NUMA1: variants seen among roughly 807,000 people sequenced by gnomAD.
NUMA1 encodes the protein nuclear mitotic apparatus protein 1, also known as SP-H antigen.
A neutral mutation model predicts 237.1 loss-of-function variants in NUMA1; 62 were observed. The observed-to-expected ratio is 0.26, with a 90% CI of 0.21 to 0.32. The LOEUF is 0.32. Ranked by LOEUF, NUMA1 falls within the 10% of genes least tolerant of loss-of-function variation. The pLI, the probability that NUMA1 is intolerant of heterozygous loss-of-function variation, is 1.00. For synonymous variants in NUMA1, 1,028 were observed against 1,066.1 expected, an observed-to-expected ratio of 0.96 and a Z score of 0.70; for missense variants, 2,533 against 2,666.5, an observed-to-expected ratio of 0.95 and a Z score of 1.10.
At chr11:72,065,271 T>G (rs1943147665) in intron 2 of NUMA1, 1 of 152,144 alleles carries the variant, frequency 6.6e-6, no homozygotes, top group South Asian at 2.1e-4. Flanking sequence ...AGGGCAGAAT[T>G]AGGGTAAAGA....
chr11:72,014,367 C>T lies in NUMA1; in HGVS notation c.3136G>A (p.Ala1046Thr), dbSNP rs762333711. The change falls in exon 15 of 27, where the codon GCT becomes ACT. Residue 1046 changes from alanine (A) to threonine (T), a missense_variant. By Grantham distance (58) the Ala-to-Thr change is moderately conservative. This residue lies in a region of NUMA1 where 1,414 missense variants were observed against 1,508.1 expected (regional missense o/e 0.94). Transcript: ENST00000393695. The surrounding 1 kb of genome is among the most constrained non-coding windows in gnomAD (Gnocchi z 4.6). ...TGAGCCAGTGCCTCTTGCAGGGTAG[C>T]GAACTCCACACGCTGCTCGTTGAGG... ...NALNEQRVEF[A>T]TLQEALAHAL... The T allele has an allele frequency of 3.1e-6, 5 of 1,613,138 alleles. No individual in the cohort carries two copies. Among genetic ancestry groups the T allele is most frequent in the Non-Finnish European group, 3.4e-6 (4 of 1,180,046 alleles).
rs548120660 is a variant in NUMA1, at chr11:72,003,323, T to C, written c.*204A>G. ...GGGAGAGCGCCCACACTGTCCATGC[T>C]CCAGGCCCCCTGGGCCAGCTCCGAG... On this transcript the variant is annotated 3_prime_UTR_variant, in exon 27 of 27. Transcript: ENST00000393695. The C allele has an allele frequency of 9.8e-6, 6 of 613,694 alleles. No individual in the cohort carries two copies. In the East Asian group the frequency reaches 1.7e-4, roughly 17 times the overall value. 38.0% of individuals were successfully genotyped at this position (613,694 alleles called of 1,614,324 possible). A position where few individuals can be genotyped will look rare whatever the true frequency, so the allele number is the denominator to read the frequency against.
chr11:72,013,335 G>T lies in NUMA1; in HGVS notation c.4168C>A (p.Gln1390Lys). The part of the protein sequence containing the change: ...RHREELEQSK[Q>K]AAGGLRAELL... Reference sequence around the variant, plus strand: ...TCTGCCCGCAGTCCCCCAGCGGCCTGCTTGCTCTGCTCCAGCTCCTCACGG... The same window carrying T: ...TCTGCCCGCAGTCCCCCAGCGGCCTTCTTGCTCTGCTCCAGCTCCTCACGG... The change falls in exon 15 of 27, where the codon CAG becomes AAG. Residue 1390 changes from glutamine (Q) to lysine (K), a missense_variant. Transcript: ENST00000393695. The surrounding 1 kb of genome is among the most constrained non-coding windows in gnomAD (Gnocchi z 6.8). 6.2e-7 allele frequency: 1 copy of T among 1,607,072 alleles called. No individual in the cohort carries two copies.
intron 5 of NUMA1, among the ~76,000 whole-genome samples, chr11:72,023,503 G>T (rs1481862116): frequency 6.6e-6 from 1 of 152,204 alleles, no homozygotes; most frequent in African/African-American, 2.4e-5. Context: ...TGAGGTCACA[G>T]AGTAAACCTA....
At chr11:72,006,589 C>T (rs1021572514) in intron 21 of NUMA1, among the ~76,000 whole-genome samples, 1 of 152,188 alleles carries the variant, frequency 6.6e-6, no homozygotes, top group Non-Finnish European at 1.5e-5. Context: ...AATCACACTG[C>T]TAGGAAGTAT....
In NUMA1 at chr11:72,043,420, T is replaced by G. The variant is rs114606121; in HGVS notation, c.-32-7445A>C. Among the ~76,000 whole-genome samples the G allele has an allele frequency of 4.4e-3, 626 of 143,168 alleles. 2 individuals carry two copies. Among genetic ancestry groups the G allele is most frequent in the African/African-American group, 0.016 (600 of 38,642 alleles). The allele number at this position is 143,168 out of a possible 152,430, so 93.9% of individuals were successfully genotyped here. A position where few individuals can be genotyped will look rare whatever the true frequency, so the allele number is the denominator to read the frequency against. On this transcript the variant is annotated intron_variant, in intron 2 of 26. Coordinates refer to ENST00000393695, the MANE Select transcript of NUMA1 (RefSeq NM_006185.4). The stretch of plus-strand genomic sequence containing the variant: ...CTCTGTCACCCAGGCTGGAGGGCAG[T>G]GGCGAGATCATAGTTCACTGTAACC...
rs576625214 is a variant in NUMA1 at position 72,063,482 on chromosome 11, T to A, written c.-33+6360A>T. The stretch of plus-strand genomic sequence containing the variant: ...GCCGAGGCAGGATGATCTCTTGAAG[T>A]CAGGAGTTCAAGACCAGCAATCTTC... On this transcript the variant is annotated intron_variant, in intron 2 of 26. Transcript: ENST00000393695. Among the ~76,000 whole-genome samples the A allele has an allele frequency of 5.9e-5, 9 of 151,782 alleles. No individual in the cohort carries two copies. In the South Asian group the frequency reaches 1.9e-3, roughly 32 times the overall value.
intron 2 of NUMA1, among the ~76,000 whole-genome samples, chr11:72,064,929 T>C (rs1943134151): frequency 6.6e-6 from 1 of 152,210 alleles, no homozygotes; most frequent in East Asian, 1.9e-4. Flanking sequence ...GATAGATATA[T>C]CATATACATA....
At chr11:72,074,018 C>T (rs571894644) in intron 1 of NUMA1, among the ~76,000 whole-genome samples, 2 of 151,988 alleles carry the variant, frequency 1.3e-5, no homozygotes, top group African/African-American at 4.8e-5. Flanking sequence ...ATGGGGAAAC[C>T]CGTCTCTACT....
intron 2 of NUMA1, among the ~76,000 whole-genome samples, chr11:72,048,602 A>T (rs1477693939): frequency 6.6e-6 from 1 of 152,098 alleles, no homozygotes; most frequent in East Asian, 1.9e-4. Context: ...TGAACTCCTT[A>T]CCTCAGGTGA....
intron 3 of NUMA1, among the ~76,000 whole-genome samples, chr11:72,029,603 A>T (rs1295615381): frequency 6.6e-6 from 1 of 152,248 alleles, no homozygotes; most frequent in Non-Finnish European, 1.5e-5. Context: ...CTGCTTCTAA[A>T]GAGAGGAACT....
chr11:72,037,711 A>G (rs1185567540), intron 2 of NUMA1, among the ~76,000 whole-genome samples: 1 of 152,230 alleles, frequency 6.6e-6, no homozygotes, highest in East Asian at 1.9e-4. Flanking sequence ...ACCCTGCAAC[A>G]TCCAACATGA....
At chr11:72,004,365 C>T (rs781467143) in intron 24 of NUMA1, 24 bp from the exon 25 acceptor site, 85 of 1,593,600 alleles carry the variant, frequency 5.3e-5, no homozygotes, top group Non-Finnish European at 5.3e-5. Flanking sequence ...GACAGTTAGG[C>T]AGACAGTAGC....
intron 2 of NUMA1, among the ~76,000 whole-genome samples, chr11:72,063,401 A>G (rs35251061): frequency 4.0e-4 from 61 of 151,818 alleles, no homozygotes; most frequent in Non-Finnish European, 6.3e-4. Context: ...AGAAACAAAG[A>G]AACAAAAATG....
rs547842525 is a variant in NUMA1 at position 72,073,723 on chromosome 11, G to A, written c.-102-3812C>T. Among the ~76,000 whole-genome samples the A allele has an allele frequency of 2.6e-5, 4 of 152,302 alleles. No individual in the cohort carries two copies. The South Asian group carries it at 8.3e-4, about 32-fold the overall frequency. The stretch of plus-strand genomic sequence containing the variant: ...GGTTTGCCACAGGGAAGAAATTTCA[G>A]CATGTTGTAGAAGTTCAGAATGTGG... On this transcript the variant is annotated intron_variant, in intron 1 of 26. Coordinates refer to ENST00000393695, the MANE Select transcript of NUMA1 (RefSeq NM_006185.4).
intron 1 of NUMA1, among the ~76,000 whole-genome samples, chr11:72,076,177 C>A (rs1943698242): frequency 6.6e-6 from 1 of 151,286 alleles, no homozygotes; most frequent in Non-Finnish European, 1.5e-5. Context: ...AGTTCGAGAC[C>A]AGCCCGGGCA....
At chr11:72,029,384 G>A in intron 3 of NUMA1, 94 bp from the exon 4 acceptor site, 1 of 676,240 alleles carries the variant, frequency 1.5e-6, no homozygotes, top group East Asian at 3.0e-5. Context: ...TACAGTTGTA[G>A]ACTATAGGAA....
At chr11:72,007,074 G>T in intron 21 of NUMA1, 115 bp downstream of exon 21, 1 of 1,294,134 alleles carries the variant, frequency 7.7e-7, no homozygotes, top group Non-Finnish European at 1.1e-6. Context: ...CTTTCCCACT[G>T]TAACATGGAC....
chr11:72,018,701 T>G (rs1325155357), intron 10 of NUMA1, 122 bp downstream of exon 10: 1 of 1,288,396 alleles, frequency 7.8e-7, no homozygotes, highest in East Asian at 2.3e-5. Flanking sequence ...GAGGTCAGCC[T>G]GACCACAGGC....
Sources: allele counts gnomAD v4.1 joint callset (sites outside exome capture counted in the v4.1 genomes callset), GRCh38; gene constraint gnomAD v4.1.1; regional missense constraint gnomAD v4.1.1; non-coding constraint Gnocchi (gnomAD v3.1); transcripts MANE v1.5; gene names NCBI Gene and HGNC (gene_info 2026-07-23, HGNC 2026-07-21).